Variants in ARMH3 observed in about 807,000 individuals in gnomAD.
The protein encoded by ARMH3 is armadillo like helical domain containing 3, also known as armadillo-like helical domain-containing protein 3.
A neutral mutation model predicts 99.1 loss-of-function variants in ARMH3; 60 were observed. The ratio of observed to expected loss-of-function variants is 0.61; its 90% CI spans 0.49 to 0.75. The LOEUF (loss-of-function observed/expected upper bound fraction) is 0.75, where lower values mean the gene tolerates loss of function less well. Ranked by LOEUF, ARMH3 falls within the 30% of genes least tolerant of loss-of-function variation. ARMH3 has a pLI of 0.00. For synonymous variants in ARMH3, 285 were observed against 292.8 expected (o/e 0.97, Z 0.27); for missense variants, 679 against 843.1 (o/e 0.81, Z 2.41).
chr10:102,027,457 C>A (rs1487608716), intron 5 of ARMH3, among the ~76,000 whole-genome samples: 1 of 151,854 alleles, frequency 6.6e-6, no homozygotes, highest in Non-Finnish European at 1.5e-5. Context: ...CTCATCACAG[C>A]GTGGGGCCTG....
intron 19 of ARMH3, among the ~76,000 whole-genome samples, chr10:101,976,548 G>A (rs1846022427): frequency 6.6e-6 from 1 of 151,974 alleles, no homozygotes; most frequent in African/African-American, 2.4e-5. Flanking sequence ...TACCTTTCCA[G>A]GGGAAAAGGA....
intron 16 of ARMH3, among the ~76,000 whole-genome samples, 154 bp from the exon 17 acceptor site, chr10:101,993,757 T>G (rs1200774033): frequency 6.6e-6 from 1 of 152,222 alleles, no homozygotes; most frequent in Non-Finnish European, 1.5e-5. Flanking sequence ...TGTCAAACCC[T>G]ACTTAAGCCA....
At chr10:101,948,215 T>A (rs1394124104) in intron 22 of ARMH3, among the ~76,000 whole-genome samples, 1 of 152,026 alleles carries the variant, frequency 6.6e-6, no homozygotes, top group African/African-American at 2.4e-5. Context: ...ACTTTAAATA[T>A]AAAAATATAG....
At chr10:101,961,162 G>A (rs1337215421) in intron 20 of ARMH3, among the ~76,000 whole-genome samples, 2 of 152,078 alleles carry the variant, frequency 1.3e-5, no homozygotes, top group African/African-American at 2.4e-5. Flanking sequence ...GTCACTCACT[G>A]GCAACACAAA....
intron 1 of ARMH3, among the ~76,000 whole-genome samples, chr10:102,050,403 G>A (rs527770690): frequency 1.1e-3 from 161 of 152,196 alleles, no homozygotes; most frequent in South Asian, 4.2e-3. Context: ...AGCCGAGATC[G>A]CGCCACTGCA....
chr10:102,021,904 G>C (rs975078697), intron 8 of ARMH3, among the ~76,000 whole-genome samples: 1 of 151,586 alleles, frequency 6.6e-6, no homozygotes, highest in African/African-American at 2.4e-5. Context: ...GAGTAAGACT[G>C]GTCTCAAATT....
chr10:101,894,426 G>A (rs1323556552), intron 23 of ARMH3, among the ~76,000 whole-genome samples: 2 of 152,216 alleles, frequency 1.3e-5, no homozygotes, highest in African/African-American at 4.8e-5. Flanking sequence ...AGACCAAGCT[G>A]AGTGACACAC....
chr10:101,869,634 T>TA (rs996487216), intron 24 of ARMH3, among the ~76,000 whole-genome samples: 1 of 152,130 alleles, frequency 6.6e-6, no homozygotes, highest in Admixed American at 6.6e-5. Flanking sequence ...AAATAAGATC[T>TA]AAAATCAATG....
intron 13 of ARMH3, among the ~76,000 whole-genome samples, chr10:102,008,454 A>C (rs1590175502): frequency 6.6e-6 from 1 of 152,160 alleles, no homozygotes; most frequent in African/African-American, 2.4e-5. Context: ...TTCTATGCCA[A>C]TTACTGTGGC....
intron 19 of ARMH3, among the ~76,000 whole-genome samples, chr10:101,982,165 G>C (rs1452383157): frequency 2.0e-5 from 3 of 151,886 alleles, no homozygotes; most frequent in Non-Finnish European, 4.4e-5. Context: ...TGGATCACCT[G>C]AGGTCAGGAG....
At chr10:102,034,085 C>G (rs954746966) in intron 2 of ARMH3, among the ~76,000 whole-genome samples, 1 of 152,184 alleles carries the variant, frequency 6.6e-6, no homozygotes, top group African/African-American at 2.4e-5. Flanking sequence ...GTGACTTACA[C>G]AAGTTCAGGA....
chr10:101,848,779 GCTCT>G (rs2066518726), intron 25 of ARMH3, among the ~76,000 whole-genome samples: 2 of 152,074 alleles, frequency 1.3e-5, no homozygotes, highest in South Asian at 4.1e-4. Flanking sequence ...CTCACAGATT[GCTCT>G]CTGTTAACCA....
intron 8 of ARMH3, among the ~76,000 whole-genome samples, chr10:102,022,781 C>G (rs939383270): frequency 2.0e-5 from 3 of 151,026 alleles, no homozygotes; most frequent in Non-Finnish European, 3.0e-5. Context: ...GGGGTTTCAC[C>G]GTGTTAGCCA....
chr10:101,905,984 A>G (rs142203188), intron 23 of ARMH3, among the ~76,000 whole-genome samples: 8 of 152,322 alleles, frequency 5.3e-5, no homozygotes, highest in Non-Finnish European at 1.0e-4. Flanking sequence ...GTGTCTCTAA[A>G]TAACATATCA....
intron 19 of ARMH3, 101 bp downstream of exon 19, chr10:101,990,450 C>T (rs370975588): frequency 1.5e-5 from 13 of 859,826 alleles, no homozygotes; most frequent in South Asian, 8.9e-5. Context: ...GTATTACAGG[C>T]GTGAGCCATG....
chr10:101,936,879 CA>C (rs1844003330), intron 23 of ARMH3, among the ~76,000 whole-genome samples: 2 of 152,272 alleles, frequency 1.3e-5, no homozygotes, highest in Admixed American at 1.3e-4. Flanking sequence ...CTTGAAGACA[CA>C]AGTGAAATAA....
At chr10:101,975,049 T>TAAAAAAAAAAAAAAAAAA (rs11399489) in intron 20 of ARMH3, among the ~76,000 whole-genome samples, 163 bp downstream of exon 20, 31 of 29,596 alleles carry the variant, frequency 1.0e-3, no homozygotes, top group East Asian at 2.9e-3. Flanking sequence ...AGCTAAAACG[T>TAAAAAAAAAAAAAAAAAA]AAAAAAAAAA....
At chr10:102,033,508 C>A (rs1313250419) in intron 2 of ARMH3, 169 bp from the exon 3 acceptor site, 5 of 703,470 alleles carry the variant, frequency 7.1e-6, no homozygotes. Context: ...GGCTCCGCCC[C>A]CCAGGGTTCA....
intron 19 of ARMH3, among the ~76,000 whole-genome samples, chr10:101,989,386 T>C (rs1285300410): frequency 1.3e-5 from 2 of 151,816 alleles, no homozygotes; most frequent in African/African-American, 4.8e-5. Flanking sequence ...AAAGAAAATA[T>C]GATGATTCTG....
Sources: gnomAD v4.1 joint callset for allele counts (sites outside exome capture counted in the v4.1 genomes callset) on GRCh38, gnomAD v4.1.1 for gene constraint, MANE v1.5 for transcripts, NCBI Gene and HGNC (gene_info 2026-07-23, HGNC 2026-07-21) for gene names.